The following ZNF24 variants were observed in gnomAD, a reference collection of about 807,000 sequenced individuals.
The protein encoded by ZNF24 is retinoic acid suppression protein A.
In ZNF24, 11 loss-of-function variants were observed where a neutral mutation model predicts 40.9. The ratio of observed to expected loss-of-function variants is 0.27; its 90% CI spans 0.17 to 0.45. ZNF24 has a LOEUF of 0.45. Among genes scored for constraint, ZNF24 ranks in the 20% least tolerant of loss-of-function variants. ZNF24 has a pLI of 1.00. For synonymous variants in ZNF24, 139 were observed against 154.7 expected (o/e 0.90, Z 0.75); for missense variants, 293 against 437.7 (o/e 0.67, Z 2.95).
At position 35,335,340 on chromosome 18, in the gene ZNF24, A is replaced by T. The variant is rs1168866621; in HGVS notation, c.*1892T>A. The T allele has an allele frequency of 1.3e-5, 2 of 152,212 alleles. No homozygotes were observed. The highest frequency in any genetic ancestry group is 2.9e-5 in the Non-Finnish European group (2 of 68,034). 9.4% of individuals were successfully genotyped at this position (152,212 alleles called of 1,614,324 possible). On this transcript the variant is annotated 3_prime_UTR_variant, in exon 4 of 4. Coordinates refer to ENST00000261332, the MANE Select transcript of ZNF24 (RefSeq NM_006965.4). ...TTTCTTGTATAACTTAAAATACATT[A>T]TATCATTACTACATATTTATACTTC...
At chr18:35,344,419 ACGCCGTTCACAAGCCTTTTCCCAGAAG>A (rs1465459576) in exon 1 of ZNF24, 2 of 152,290 alleles carry the variant, frequency 1.3e-5, no homozygotes, top group Non-Finnish European at 2.9e-5. Flanking sequence ...AGACGCAGAA[ACGCCGTTCACAAGCCTTTTCCCAGAAG>A]CCCCCGGCGC....
chr18:35,339,773 A>C, intron 3 of ZNF24, 56 bp downstream of exon 3: 1 of 1,468,760 alleles, frequency 6.8e-7, no homozygotes, highest in Non-Finnish European at 9.1e-7. Flanking sequence ...AAAGTTCTGA[A>C]CAAAAGGCCT....
At position 35,339,848 on chromosome 18, in the gene ZNF24, G is replaced by T. The variant is rs542144114; in HGVS notation, c.549C>A (p.Leu183=). 6.2e-7 allele frequency: 1 copy of T among 1,609,008 alleles called. No individual in the cohort carries two copies. Among genetic ancestry groups the T allele is most frequent in the East Asian group, 2.2e-5 (1 of 44,664 alleles). ...CCTCACCACAGTGCCTTAGGGAATG[G>T]AGCTCCCAGGATGCCCACTTGAGCT... The part of the protein sequence containing the change: ...ENQLKWASWE[L]HSLRHCDDDG... The change falls in exon 3 of 4, where the codon CTC becomes CTA. Residue 183 remains leucine, a synonymous_variant. Coordinates refer to ENST00000261332, the MANE Select transcript of ZNF24 (RefSeq NM_006965.4).
rs2044870041 is a variant in ZNF24 at position 35,332,818 on chromosome 18, T to A, written c.*4414A>T. On this transcript the variant is annotated 3_prime_UTR_variant, in exon 4 of 4. Transcript: ENST00000261332. Reference sequence around the variant, plus strand: ...CAAATAAAAACAATATATCCACACATAACCCAATAGAAAGCAGGTAAGGGA... The same window carrying A: ...CAAATAAAAACAATATATCCACACAAAACCCAATAGAAAGCAGGTAAGGGA... 1 of 152,446 alleles carries A rather than the reference T, an allele frequency of 6.6e-6. No homozygotes were observed. The allele number at this position is 152,446 out of a possible 1,614,324, so 9.4% of individuals were successfully genotyped here.
chr18:35,337,219 T>C lies in ZNF24; in HGVS notation c.*13A>G. 9.1e-6 allele frequency: 13 copies of C among 1,430,794 alleles called. No individual in the cohort carries two copies. Among genetic ancestry groups the C allele is most frequent in the Non-Finnish European group, 1.1e-5 (12 of 1,085,090 alleles). 88.6% of individuals were successfully genotyped at this position (1,430,794 alleles called of 1,614,324 possible). A position where few individuals can be genotyped will look rare whatever the true frequency, so the allele number is the denominator to read the frequency against. ...AAGACCTGAGTGCTGATTCTTTTTT[T>C]TTTTTCAATTTCTTAAACTTTCACA... On this transcript the variant is annotated 3_prime_UTR_variant, in exon 4 of 4. Coordinates refer to ENST00000261332, the MANE Select transcript of ZNF24 (RefSeq NM_006965.4).
Position 35,334,602 on chromosome 18 carries a change from C to T in ZNF24, c.*2630G>A, listed in dbSNP as rs1346866840. 1 of 152,190 alleles carries T rather than the reference C, an allele frequency of 6.6e-6. No homozygotes were observed. Among genetic ancestry groups the T allele is most frequent in the East Asian group, 1.9e-4 (1 of 5,194 alleles). The allele number at this position is 152,190 out of a possible 1,614,324, so 9.4% of individuals were successfully genotyped here. A position where few individuals can be genotyped will look rare whatever the true frequency, so the allele number is the denominator to read the frequency against. On this transcript the variant is annotated 3_prime_UTR_variant, in exon 4 of 4. Transcript: ENST00000261332. The stretch of plus-strand genomic sequence containing the variant: ...GGGCAGATATCAGCAATCTGCATGA[C>T]CTAAAATGACTGCTCATTTGCTAAC...
At chr18:35,338,074 CTAGG>C in intron 3 of ZNF24, 1 of 681,904 alleles carries the variant, frequency 1.5e-6, no homozygotes, top group Non-Finnish European at 1.9e-6. Flanking sequence ...AATGATGTGG[CTAGG>C]TATGGATGAA....
rs1301282536 is a variant in ZNF24 at position 35,337,026 on chromosome 18, T to C, written c.*206A>G. On this transcript the variant is annotated 3_prime_UTR_variant, in exon 4 of 4. Coordinates refer to ENST00000261332, the MANE Select transcript of ZNF24 (RefSeq NM_006965.4). ...TTTAGGCATTAAGACCTGAATTAAG[T>C]TTAAAATTTCAGTTTCTAGGCAGGT... The C allele has an allele frequency of 2.3e-6, 1 of 435,274 alleles. No homozygotes were observed. The highest frequency in any genetic ancestry group is 3.9e-6 in the Non-Finnish European group (1 of 254,824). The allele number at this position is 435,274 out of a possible 1,614,324, so 27.0% of individuals were successfully genotyped here. A position where few individuals can be genotyped will look rare whatever the true frequency, so the allele number is the denominator to read the frequency against.
Position 35,336,059 on chromosome 18 carries a change from C to T in ZNF24, c.*1173G>A, listed in dbSNP as rs2044905392. 1 of 152,552 alleles carries T rather than the reference C, an allele frequency of 6.6e-6. No homozygotes were observed. The highest frequency in any genetic ancestry group is 2.4e-5 in the African/African-American group (1 of 41,404). 9.4% of individuals were successfully genotyped at this position (152,552 alleles called of 1,614,324 possible). On this transcript the variant is annotated 3_prime_UTR_variant, in exon 4 of 4. Coordinates refer to ENST00000261332, the MANE Select transcript of ZNF24 (RefSeq NM_006965.4). ...GTTCTGGGAACCTCACAGGTGACCT[C>T]CCCTGAGGAATGCTCAGACAAGGGG...
Position 35,335,833 on chromosome 18 carries a change from T to C in ZNF24, c.*1399A>G, listed in dbSNP as rs1476493703. 1.3e-5 allele frequency: 2 copies of C among 152,226 alleles called. No individual in the cohort carries two copies. The highest frequency in any genetic ancestry group is 2.1e-4 in the South Asian group (1 of 4,838). 9.4% of individuals were successfully genotyped at this position (152,226 alleles called of 1,614,324 possible). A position where few individuals can be genotyped will look rare whatever the true frequency, so the allele number is the denominator to read the frequency against. On this transcript the variant is annotated 3_prime_UTR_variant, in exon 4 of 4. Transcript: ENST00000261332. ...ATTGTCTAGTTGTTTATTTTTTAAA[T>C]AGAACAGTCCATTCAACTTAATATG...
At position 35,337,199 on chromosome 18, in the gene ZNF24, C is replaced by T; in HGVS notation, c.*33G>A. On this transcript the variant is annotated 3_prime_UTR_variant, in exon 4 of 4. Transcript: ENST00000261332. ...TGTCTTCATTTCTGAAGAAAAAGACCTGAGTGCTGATTCTTTTTTTTTTTT... is the reference window on the plus strand; with the variant it reads ...TGTCTTCATTTCTGAAGAAAAAGACTTGAGTGCTGATTCTTTTTTTTTTTT... The T allele has an allele frequency of 7.1e-7, 1 of 1,406,300 alleles. No individual in the cohort carries two copies. Among genetic ancestry groups the T allele is most frequent in the Non-Finnish European group, 9.3e-7 (1 of 1,069,728 alleles). The allele number at this position is 1,406,300 out of a possible 1,614,324, so 87.1% of individuals were successfully genotyped here. A position where few individuals can be genotyped will look rare whatever the true frequency, so the allele number is the denominator to read the frequency against.
rs983477732 is a variant in ZNF24, at chr18:35,333,711, T to C, written c.*3521A>G. On this transcript the variant is annotated 3_prime_UTR_variant, in exon 4 of 4. Transcript: ENST00000261332. ...TAAATTGGTGAAATCTTTTTGGTAG[T>C]AGTTTTCAAAACTGCAAATGTGAAA... The C allele has an allele frequency of 4.6e-5, 7 of 152,226 alleles. No homozygotes were observed. Among genetic ancestry groups the C allele is most frequent in the Non-Finnish European group, 1.0e-4 (7 of 68,038 alleles). 9.4% of individuals were successfully genotyped at this position (152,226 alleles called of 1,614,324 possible).
intron 3 of ZNF24, chr18:35,338,814 C>T (rs1438599178): frequency 3.7e-6 from 5 of 1,339,826 alleles, no homozygotes; most frequent in African/African-American, 3.0e-5. Flanking sequence ...AAATAAGGAA[C>T]GCAGGTGAAA....
In ZNF24 at chr18:35,340,529, G is replaced by C. The variant is rs1246310310; in HGVS notation, c.122C>G (p.Pro41Arg). The change falls in exon 2 of 4, where the codon CCC (proline) becomes CGC (arginine). Residue 41 changes from proline (P) to arginine (R), a missense_variant. Around this residue, in one of 2 missense-constraint regions of ZNF24, gnomAD observed 234 missense variants for 299.2 expected, o/e 0.78. Transcript: ENST00000261332. This position sits in a 1 kb window ranked among gnomAD's most constrained non-coding sequence, Gnocchi z 4.6. Reference sequence around the variant, plus strand: ...CTCTGGGTCTGGGAGATGGTTCCAGGGGATACTTGATCCCTCTTCGCCATC... The same window carrying C: ...CTCTGGGTCTGGGAGATGGTTCCAGCGGATACTTGATCCCTCTTCGCCATC... ...DPDGEEGSSI[P>R]WNHLPDPEIF... 3 of 1,614,006 alleles carry C rather than the reference G, an allele frequency of 1.9e-6. No homozygotes were observed. The highest frequency in any genetic ancestry group is 2.5e-6 in the Non-Finnish European group (3 of 1,180,036).
At chr18:35,341,834 T>C (rs530142046) in intron 1 of ZNF24, among the ~76,000 whole-genome samples, 6 of 152,228 alleles carry the variant, frequency 3.9e-5, no homozygotes, top group Non-Finnish European at 8.8e-5. Flanking sequence ...CACTGAGCTA[T>C]GATCACACCA....
intron 3 of ZNF24, chr18:35,338,321 T>G: frequency 1.0e-6 from 1 of 985,464 alleles, no homozygotes; most frequent in Non-Finnish European, 1.2e-6. Context: ...GCTGGGGGCC[T>G]CCTGTGTTAA....
intron 1 of ZNF24, among the ~76,000 whole-genome samples, chr18:35,341,919 C>CG (rs1467630873): frequency 6.6e-6 from 1 of 152,080 alleles, no homozygotes; most frequent in Non-Finnish European, 1.5e-5. Context: ...AAAGCTGTGC[C>CG]GGGCACGGTG....
Position 35,340,155 on chromosome 18 carries a change from G to A in ZNF24, c.420+76C>T. 1.3e-6 allele frequency: 2 copies of A among 1,538,348 alleles called. No individual in the cohort carries two copies. Among genetic ancestry groups the A allele is most frequent in the Non-Finnish European group, 1.8e-6 (2 of 1,132,156 alleles). On this transcript the variant is annotated intron_variant, in intron 2 of 3. Coordinates refer to ENST00000261332, the MANE Select transcript of ZNF24 (RefSeq NM_006965.4). The surrounding 1 kb of genome is among the most constrained non-coding windows in gnomAD (Gnocchi z 4.6). Reference sequence around the variant, plus strand: ...ATAAACATAATTCTAACTTAGTTGAGTGGAATTAATTCAGCAGCTTTGCCT... The same window carrying A: ...ATAAACATAATTCTAACTTAGTTGAATGGAATTAATTCAGCAGCTTTGCCT...
At chr18:35,343,266 T>C (rs944117137) in intron 1 of ZNF24, among the ~76,000 whole-genome samples, 4 of 152,238 alleles carry the variant, frequency 2.6e-5, no homozygotes, top group Admixed American at 6.5e-5. Context: ...TTTATAATGA[T>C]AGGCATTAAT....
Sources: allele counts gnomAD v4.1 joint callset (sites outside exome capture counted in the v4.1 genomes callset), GRCh38; gene constraint gnomAD v4.1.1; regional missense constraint gnomAD v4.1.1; non-coding constraint Gnocchi (gnomAD v3.1); transcripts MANE v1.5; gene names NCBI Gene and HGNC (gene_info 2026-07-23, HGNC 2026-07-21).